The following NIN variants were observed in gnomAD, a reference collection of about 807,000 sequenced individuals.
NIN encodes the protein glycogen synthase kinase 3 beta-interacting protein.
NIN carries 137 observed loss-of-function variants against 257.6 expected under a neutral mutation model. The observed-to-expected ratio is 0.53, with a 90% CI of 0.46 to 0.61. The LOEUF is 0.61. Ranked by LOEUF, NIN falls within the 20% of genes least tolerant of loss-of-function variation. The pLI is 0.00. For missense variants in NIN, 2,439 were observed against 2,501.2 expected, an observed-to-expected ratio of 0.98 and a Z score of 0.53; for synonymous variants, 918 against 919.8, an observed-to-expected ratio of 1.00 and a Z score of 0.04.
rs940359902 is a variant in NIN at position 50,757,805 on chromosome 14, T to C, written c.3225A>G (p.Glu1075=). The change falls in exon 18 of 31, where the codon GAA becomes GAG. Residue 1075 remains glutamate (E), a synonymous_variant. Transcript: ENST00000530997. ...TTTTCACATTTTCCTTCACTGCCTG[T>C]TCATGAGCTCTCTGCAGGCTTAAGA... The part of the protein sequence containing the change: ...DVLLSLQRAH[E]QAVKENVKMA... The C allele has an allele frequency of 1.2e-6, 2 of 1,614,086 alleles. No individual in the cohort carries two copies. Among genetic ancestry groups the C allele is most frequent in the South Asian group, 1.1e-5 (1 of 91,090 alleles).
Position 50,743,452 on chromosome 14 carries a change from C to A in NIN, c.5265G>T (p.Ala1755=). ...AAGCCACCAGCTGTGACTTTAAGCTCGCACTCTGATGTTCCCAGGATTTCT... is the reference window on the plus strand; with the variant it reads ...AAGCCACCAGCTGTGACTTTAAGCTAGCACTCTGATGTTCCCAGGATTTCT... ...QEQKSWEHQS[A]SLKSQLVASQ... Residue 1755 remains alanine (A), a synonymous_variant, in exon 24 of 31, where the codon GCG becomes GCT. Coordinates refer to ENST00000530997, the MANE Select transcript of NIN (RefSeq NM_020921.4). 1 of 1,613,694 alleles carries A rather than the reference C, an allele frequency of 6.2e-7. No homozygotes were observed. Among genetic ancestry groups the A allele is most frequent in the Non-Finnish European group, 8.5e-7 (1 of 1,179,610 alleles).
chr14:50,760,390 T>C, intron 16 of NIN, 31 bp from the exon 17 acceptor site: 1 of 1,582,788 alleles, frequency 6.3e-7, no homozygotes, highest in Non-Finnish European at 8.5e-7. Flanking sequence ...CACCACAAGA[T>C]TACTCAGCTC....
Position 50,719,791 on chromosome 14 carries a change from G to A in NIN, c.*3672C>T, listed in dbSNP as rs1248947590. ...TAAATACACTGAAACTTTATTAAAAGGTCAGGGTATATAGAAAACAAAAGG... is the reference window on the plus strand; with the variant it reads ...TAAATACACTGAAACTTTATTAAAAAGTCAGGGTATATAGAAAACAAAAGG... On this transcript the variant is annotated 3_prime_UTR_variant, in exon 31 of 31. Transcript: ENST00000530997. 1 of 187,622 alleles carries A rather than the reference G, an allele frequency of 5.3e-6. No individual in the cohort carries two copies. Among genetic ancestry groups the A allele is most frequent in the African/African-American group, 2.3e-5 (1 of 42,734 alleles). The allele number at this position is 187,622 out of a possible 1,614,324, so 11.6% of individuals were successfully genotyped here.
chr14:50,770,564 T>C lies in NIN; in HGVS notation c.1260-2A>G, dbSNP rs1566829428. On this transcript the variant is annotated splice_acceptor_variant, in intron 11 of 30. Coordinates refer to ENST00000530997, the MANE Select transcript of NIN (RefSeq NM_020921.4). LOFTEE classifies it high-confidence loss of function. The stretch of plus-strand genomic sequence containing the variant: ...TCCTTGTACTCTTCATCCAGTTTCC[T>C]GTAACGAAGAAAAATGGACAAGCTG... The C allele has an allele frequency of 6.2e-7, 1 of 1,611,936 alleles. No individual in the cohort carries two copies. Among genetic ancestry groups the C allele is most frequent in the Non-Finnish European group, 8.5e-7 (1 of 1,179,368 alleles).
At chr14:50,731,748 T>TC (rs1001195796) in intron 28 of NIN, among the ~76,000 whole-genome samples, 2 of 151,746 alleles carry the variant, frequency 1.3e-5, no homozygotes, top group Admixed American at 6.6e-5. Flanking sequence ...ATCGCTCGAA[T>TC]CCGGGAGGCA....
At chr14:50,794,847 G>A (rs2043767562) in intron 4 of NIN, among the ~76,000 whole-genome samples, 2 of 151,714 alleles carry the variant, frequency 1.3e-5, no homozygotes, top group Non-Finnish European at 2.9e-5. Context: ...ACCGGTGGAT[G>A]AAATGGTTCC....
At chr14:50,799,093 G>A (rs1420064573) in intron 4 of NIN, among the ~76,000 whole-genome samples, 2 of 152,146 alleles carry the variant, frequency 1.3e-5, no homozygotes, top group East Asian at 3.8e-4. Flanking sequence ...TTTTCTAAAA[G>A]CATTTTACAC....
chr14:50,725,719 A>T, intron 30 of NIN: 1 of 636,226 alleles, frequency 1.6e-6, no homozygotes, highest in Non-Finnish European at 2.7e-6. Flanking sequence ...AAAGATTTAC[A>T]CTTTTAAATT....
intron 21 of NIN, among the ~76,000 whole-genome samples, chr14:50,752,271 C>T (rs2041820398): frequency 6.6e-6 from 1 of 152,110 alleles, no homozygotes; most frequent in African/African-American, 2.4e-5. Flanking sequence ...TGTTCAGGCA[C>T]CATTAATTTA....
intron 3 of NIN, among the ~76,000 whole-genome samples, chr14:50,818,197 C>T (rs1231873819): frequency 6.6e-6 from 1 of 151,412 alleles, no homozygotes; most frequent in Non-Finnish European, 1.5e-5. Flanking sequence ...TTGGTGGGCG[C>T]CTGTAGTCCC....
rs572904732 is a variant in NIN, at chr14:50,773,007, G to T, written c.755C>A (p.Ser252Tyr). The T allele has an allele frequency of 6.7e-5, 108 of 1,613,002 alleles. No individual in the cohort carries two copies. Among genetic ancestry groups the T allele is most frequent in the Non-Finnish European group, 8.8e-5 (104 of 1,179,236 alleles). The part of the protein sequence containing the change: ...FFYGLFKNGK[S>Y]LTPSASTPYR... ...TGGAGTAGATGCTGATGGTGTAAGAGATTTTCCATTTTTAAACAAACCATA... is the reference window on the plus strand; with the variant it reads ...TGGAGTAGATGCTGATGGTGTAAGATATTTTCCATTTTTAAACAAACCATA... Residue 252 changes from serine to tyrosine, a missense_variant, in exon 8 of 31, where the codon TCT becomes TAT. Transcript: ENST00000530997.
Position 50,766,870 on chromosome 14 carries a change from A to C in NIN, c.1455T>G (p.Asn485Lys). ...ACTTCTCTGCATTTTCTAGAAGCTC[A>C]TTTTCCAGACGACTGTTTTCCTGAA... Reference protein sequence around the residue: ...LSLKENSRLENELLENAEKLA... With the variant: ...LSLKENSRLEKELLENAEKLA... Residue 485 changes from asparagine to lysine, a missense_variant, in exon 13 of 31, where the codon AAT becomes AAG. This residue lies in a region of NIN where 2,043 missense variants were observed against 2,050.2 expected (regional missense o/e 1.00). Transcript: ENST00000530997. 1 of 1,613,498 alleles carries C rather than the reference A, an allele frequency of 6.2e-7. No individual in the cohort carries two copies. The highest frequency in any genetic ancestry group is 8.5e-7 in the Non-Finnish European group (1 of 1,179,624).
At chr14:50,754,040 C>T (rs578222069) in intron 20 of NIN, among the ~76,000 whole-genome samples, 1 of 152,332 alleles carries the variant, frequency 6.6e-6, no homozygotes, top group African/African-American at 2.4e-5. Flanking sequence ...TGTCTTTTGA[C>T]TGCTTCAGAC....
chr14:50,823,156 GT>G (rs767367851), intron 2 of NIN: 4 of 444,584 alleles, frequency 9.0e-6, no homozygotes, highest in African/African-American at 8.3e-5. Context: ...GAAATCTGTG[GT>G]TTTTTTTTTT....
intron 2 of NIN, among the ~76,000 whole-genome samples, chr14:50,829,500 G>A (rs1450457869): frequency 2.6e-5 from 4 of 152,182 alleles, no homozygotes; most frequent in East Asian, 1.9e-4. Context: ...TGTCAGGATG[G>A]ACTTTATCAG....
Position 50,792,758 on chromosome 14 carries a change from T to C in NIN, c.389A>G (p.Asp130Gly), listed in dbSNP as rs985557043. Residue 130 changes from aspartate to glycine, a missense_variant, in exon 5 of 31, where the codon GAT (aspartate) becomes GGT (glycine). Coordinates refer to ENST00000530997, the MANE Select transcript of NIN (RefSeq NM_020921.4). ...GATGTGTGAAGGCCGCGCTTCTTCA[T>C]CCAGTGGCTCAATCACCGTCACTTC... ...FPEVTVIEPL[D>G]EEARPSHIPA... 6.2e-7 allele frequency: 1 copy of C among 1,614,116 alleles called. No individual in the cohort carries two copies. Among genetic ancestry groups the C allele is most frequent in the Non-Finnish European group, 8.5e-7 (1 of 1,180,018 alleles).
At chr14:50,800,250 T>G (rs1009734287) in intron 4 of NIN, among the ~76,000 whole-genome samples, 1 of 152,218 alleles carries the variant, frequency 6.6e-6, no homozygotes, top group East Asian at 1.9e-4. Context: ...GATTTGCCTA[T>G]GAATACACTG....
Position 50,766,897 on chromosome 14 carries a change from A to G in NIN, c.1435-7T>C. 1.3e-6 allele frequency: 2 copies of G among 1,584,486 alleles called. No homozygotes were observed. The highest frequency in any genetic ancestry group is 1.7e-6 in the Non-Finnish European group (2 of 1,153,720). On this transcript the variant is annotated splice_region_variant and splice_polypyrimidine_tract_variant and intron_variant, in intron 12 of 30. Coordinates refer to ENST00000530997, the MANE Select transcript of NIN (RefSeq NM_020921.4). ...TTTCCAGACGACTGTTTTCCTGAAC[A>G]AGTATGGGGAAATTAAATGTGGTAC... is the stretch of plus-strand genomic sequence containing the variant.
At chr14:50,810,568 TG>T (rs2044545294) in intron 3 of NIN, among the ~76,000 whole-genome samples, 1 of 152,196 alleles carries the variant, frequency 6.6e-6, no homozygotes, top group South Asian at 2.1e-4. Flanking sequence ...CATATTGAGA[TG>T]GAGGAAAGAT....
Sources: gnomAD v4.1 joint callset for allele counts (sites outside exome capture counted in the v4.1 genomes callset) on GRCh38, gnomAD v4.1.1 for gene constraint, gnomAD v4.1.1 regional missense constraint, MANE v1.5 for transcripts, NCBI Gene and HGNC (gene_info 2026-07-23, HGNC 2026-07-21) for gene names.